STARD13: variants seen among roughly 807,000 people sequenced by gnomAD.
STARD13 encodes StAR related lipid transfer domain containing 13.
Under a neutral mutation model 106.4 loss-of-function variants are expected in STARD13, and 62 were observed. That is an observed-to-expected ratio of 0.58 (90% CI 0.48 to 0.72). STARD13 has a LOEUF of 0.72. Ranked by LOEUF, STARD13 falls within the 30% of genes least tolerant of loss-of-function variation. STARD13 has a pLI of 0.00. For missense variants in STARD13, 1,387 were observed against 1,424.0 expected (o/e 0.97, Z 0.42); for synonymous variants, 565 against 553.0 (o/e 1.02, Z -0.31).
At chr13:33,359,318 G>A in the STARD13 span, 2 of 165,840 alleles carry the variant, frequency 1.2e-5, no homozygotes, top group Middle Eastern at 2.8e-3. Flanking sequence ...GCTGCCTTAA[G>A]AGCTGTAACA....
the STARD13 span, among the ~76,000 whole-genome samples, chr13:33,572,820 C>A: frequency 2.0e-5 from 3 of 152,068 alleles, no homozygotes; most frequent in Admixed American, 2.0e-4. Context: ...TATTAGGTAT[C>A]ATAAATAACC....
At chr13:33,648,403 A>G in the STARD13 span, among the ~76,000 whole-genome samples, 1 of 152,202 alleles carries the variant, frequency 6.6e-6, no homozygotes, top group Non-Finnish European at 1.5e-5. Flanking sequence ...TCTGGGGTCA[A>G]ATCGTAGCTC....
At chr13:33,444,655 C>G in the STARD13 span, among the ~76,000 whole-genome samples, 14 of 152,130 alleles carry the variant, frequency 9.2e-5, no homozygotes, top group South Asian at 2.9e-3. Context: ...GTAATCCCAG[C>G]CACTAGAGAG....
the STARD13 span, chr13:33,659,910 T>A: frequency 6.6e-6 from 1 of 152,302 alleles, no homozygotes; most frequent in African/African-American, 2.4e-5. Flanking sequence ...ACAACCAAAA[T>A]AAAGGATTTA....
In STARD13 at chr13:33,250,176, T is replaced by TA. The variant is rs971591899; in HGVS notation, c.169+35293dup. Reference sequence around the variant, plus strand: ...AATCAGACTAAAAGAGCAACAACAATAAAAAAAAATCTGGAAAATAATTCT... The same window carrying TA: ...AATCAGACTAAAAGAGCAACAACAATAAAAAAAAAATCTGGAAAATAATTCT... On this transcript the variant is annotated intron_variant, in intron 1 of 13. Coordinates refer to ENST00000336934, the MANE Select transcript of STARD13 (RefSeq NM_178006.4). 1.3e-3 allele frequency among the ~76,000 whole-genome samples: 193 copies of TA among 151,310 alleles called. 1 individual carries two copies. The highest frequency in any genetic ancestry group is 4.3e-3 in the African/African-American group (178 of 41,282).
the STARD13 span, among the ~76,000 whole-genome samples, chr13:33,580,129 T>G: frequency 6.6e-6 from 1 of 152,144 alleles, no homozygotes; most frequent in Non-Finnish European, 1.5e-5. Flanking sequence ...ATAGCAGATT[T>G]ATTCAGAATT....
chr13:33,388,679 T>C, the STARD13 span, among the ~76,000 whole-genome samples: 1 of 152,220 alleles, frequency 6.6e-6, no homozygotes, highest in East Asian at 1.9e-4. Context: ...CCCTATCCTC[T>C]GACTTGCACA....
Position 33,329,393 on chromosome 13 carries a change from A to G in STARD13, c.124+20897T>C, listed in dbSNP as rs142062631. Among the ~76,000 whole-genome samples the G allele has an allele frequency of 8.7e-4, 132 of 152,260 alleles. No individual in the cohort carries two copies. In the Middle Eastern group the frequency reaches 0.01, roughly 12 times the overall value. Reference sequence around the variant, plus strand: ...TAATTAACATATCTATTCCCTGTATATAATTACCATTTTGGCACCCTTTGA... The same window carrying G: ...TAATTAACATATCTATTCCCTGTATGTAATTACCATTTTGGCACCCTTTGA... On this transcript the variant is annotated intron_variant, in intron 1 of 5. Transcript: ENST00000567873.
chr13:33,376,354 T>G, the STARD13 span, among the ~76,000 whole-genome samples: 1 of 152,294 alleles, frequency 6.6e-6, no homozygotes, highest in East Asian at 1.9e-4. Flanking sequence ...CCTCCTGTAG[T>G]TTATGACTTA....
At chr13:33,328,766 A>G (rs779788305) in intron 1 of STARD13, among the ~76,000 whole-genome samples, 5 of 152,234 alleles carry the variant, frequency 3.3e-5, no homozygotes, top group Non-Finnish European at 7.3e-5. Flanking sequence ...TTATCAGTGG[A>G]GGTAGGCATC....
At chr13:33,170,314 T>C (rs1297460541) in intron 1 of STARD13, among the ~76,000 whole-genome samples, 1 of 152,036 alleles carries the variant, frequency 6.6e-6, no homozygotes, top group Non-Finnish European at 1.5e-5. Flanking sequence ...AAATGAAAAA[T>C]TTAAAAATTT....
At chr13:33,367,873 T>A in the STARD13 span, among the ~76,000 whole-genome samples, 1 of 152,114 alleles carries the variant, frequency 6.6e-6, no homozygotes, top group Non-Finnish European at 1.5e-5. Context: ...AAGTGTGTTG[T>A]TTTAGGTGAA....
the STARD13 span, among the ~76,000 whole-genome samples, chr13:33,625,794 C>A: frequency 5.9e-5 from 9 of 151,726 alleles, no homozygotes; most frequent in Admixed American, 2.0e-4. Context: ...CTCCACCTCC[C>A]AGGTTCAAGC....
chr13:33,175,823 A>C (rs1276406030), intron 1 of STARD13, among the ~76,000 whole-genome samples: 2 of 152,184 alleles, frequency 1.3e-5, no homozygotes, highest in African/African-American at 4.8e-5. Context: ...GTTTTTAGGG[A>C]TGCAAACTCC....
At chr13:33,383,151 CCTTT>C in the STARD13 span, among the ~76,000 whole-genome samples, 16 of 152,292 alleles carry the variant, frequency 1.1e-4, no homozygotes, top group African/African-American at 3.1e-4. Flanking sequence ...CCACTATTTC[CCTTT>C]CTTTGTCTCA....
At chr13:33,197,711 G>A (rs1886734303) in intron 1 of STARD13, among the ~76,000 whole-genome samples, 1 of 152,144 alleles carries the variant, frequency 6.6e-6, no homozygotes, top group Admixed American at 6.5e-5. Flanking sequence ...CCAACACCCT[G>A]CTCATCCGTC....
At chr13:33,219,941 C>A (rs1888264508) in intron 1 of STARD13, among the ~76,000 whole-genome samples, 1 of 152,120 alleles carries the variant, frequency 6.6e-6, no homozygotes, top group Non-Finnish European at 1.5e-5. Context: ...ACCCACAGCA[C>A]CTTATCAAAA....
chr13:33,443,172 A>AT, the STARD13 span, among the ~76,000 whole-genome samples: 3 of 151,958 alleles, frequency 2.0e-5, no homozygotes, highest in East Asian at 5.9e-4. Context: ...AGGTCAGGAG[A>AT]TGAGACCATC....
chr13:33,596,852 G>A, the STARD13 span, among the ~76,000 whole-genome samples: 1 of 152,158 alleles, frequency 6.6e-6, no homozygotes, highest in African/African-American at 2.4e-5. Context: ...CCATGTTCCT[G>A]CAATGATAAG....
Sources: allele counts gnomAD v4.1 joint callset (sites outside exome capture counted in the v4.1 genomes callset), GRCh38; gene constraint gnomAD v4.1.1; transcripts MANE v1.5; gene names NCBI Gene and HGNC (gene_info 2026-07-23, HGNC 2026-07-21).